TRIO: variants seen among roughly 807,000 people sequenced by gnomAD.
The protein encoded by TRIO is trio Rho guanine nucleotide exchange factor.
In TRIO, 58 loss-of-function variants were observed where a neutral mutation model predicts 351.9. That is an observed-to-expected ratio of 0.16 (90% confidence interval 0.13 to 0.21). TRIO has a LOEUF of 0.21. Among genes scored for constraint, TRIO ranks in the 10% least tolerant of loss-of-function variants. The pLI is 1.00. For synonymous variants in TRIO, 1,758 were observed against 1,595.7 expected, an observed-to-expected ratio of 1.10 and a Z score of -2.42; for missense variants, 3,201 against 4,027.8, an observed-to-expected ratio of 0.79 and a Z score of 5.56.
intron 1 of TRIO, among the ~76,000 whole-genome samples, chr5:14,247,855 C>T (rs1794524082): frequency 1.3e-5 from 2 of 152,214 alleles, no homozygotes; most frequent in South Asian, 4.1e-4. Flanking sequence ...ATCACGAGGT[C>T]AGGAGTTCAA....
At chr5:14,443,491 A>G (rs952752213) in intron 34 of TRIO, among the ~76,000 whole-genome samples, 3 of 152,232 alleles carry the variant, frequency 2.0e-5, no homozygotes, top group African/African-American at 7.2e-5. Flanking sequence ...AAAAGGAAGA[A>G]TGATTCTGGG....
chr5:14,145,847 G>T (rs1240060433), intron 1 of TRIO, among the ~76,000 whole-genome samples: 1 of 152,186 alleles, frequency 6.6e-6, no homozygotes, highest in East Asian at 1.9e-4. Flanking sequence ...GTCTGCTCTT[G>T]GCTTTGCTTA....
chr5:14,487,569 CCAGTGGCGGCAGCGGCCA>C lies in TRIO; in HGVS notation c.6952_6969del (p.Ser2318_Gly2323del), dbSNP rs1303675005. 66 of 1,123,638 alleles carry C rather than the reference CCAGTGGCGGCAGCGGCCA, an allele frequency of 5.9e-5. No homozygotes were observed. The highest frequency in any genetic ancestry group is 6.7e-5 in the Non-Finnish European group (61 of 911,032). The allele number at this position is 1,123,638 out of a possible 1,614,324, so 69.6% of individuals were successfully genotyped here. ...GGGGGCAGCGGCGGCGGCGGGGCCC[CCAGTGGCGGCAGCGGCCA>C]CAGTGGCGGCCCCAGCAGCTGCGGC... On this transcript the variant is annotated inframe_deletion, in exon 48 of 57. Coordinates refer to ENST00000344204, the MANE Select transcript of TRIO (RefSeq NM_007118.4).
At chr5:14,275,666 C>T (rs997986537) in intron 2 of TRIO, among the ~76,000 whole-genome samples, 3 of 151,018 alleles carry the variant, frequency 2.0e-5, no homozygotes, top group East Asian at 1.9e-4. Context: ...TTCTTCTCCC[C>T]GAGATAAACA....
intron 49 of TRIO, among the ~76,000 whole-genome samples, chr5:14,494,566 G>A (rs192733660): frequency 7.2e-5 from 11 of 152,318 alleles, no homozygotes; most frequent in East Asian, 5.8e-4. Context: ...TACAGCCCAC[G>A]GATCAAGGAG....
chr5:14,477,001 G>T (rs762649252), intron 41 of TRIO, 38 bp downstream of exon 41: 1 of 1,565,250 alleles, frequency 6.4e-7, no homozygotes, highest in Admixed American at 1.7e-5. Flanking sequence ...TGTTCTGATG[G>T]TGTCATCCTT....
intron 34 of TRIO, among the ~76,000 whole-genome samples, chr5:14,452,497 G>A (rs375134410): frequency 6.6e-6 from 1 of 152,348 alleles, no homozygotes; most frequent in Non-Finnish European, 1.5e-5. Context: ...AGGGGTGTTA[G>A]TGGAACCCCG....
In TRIO at chr5:14,155,270, T is replaced by G. The variant is rs145364808; in HGVS notation, c.157+11388T>G. ...GATATAGCTAATTTACATGTTATCT[T>G]GTTTCTGAACCATTTGAGAGTAGGT... On this transcript the variant is annotated intron_variant, in intron 1 of 56. Coordinates refer to ENST00000344204, the MANE Select transcript of TRIO (RefSeq NM_007118.4). Among the ~76,000 whole-genome samples, 42 of 152,334 alleles carry G rather than the reference T, an allele frequency of 2.8e-4. No individual in the cohort carries two copies. In the East Asian group the frequency reaches 7.5e-3, roughly 27 times the overall value.
intron 9 of TRIO, among the ~76,000 whole-genome samples, chr5:14,324,363 A>G (rs1207807764): frequency 6.6e-6 from 1 of 152,208 alleles, no homozygotes. Flanking sequence ...AGGGGTTCTC[A>G]TTGTTTTGAC....
At chr5:14,218,617 C>T (rs900732690) in intron 1 of TRIO, among the ~76,000 whole-genome samples, 39 of 152,324 alleles carry the variant, frequency 2.6e-4, no homozygotes, top group African/African-American at 8.9e-4. Flanking sequence ...GGCGAGGCTG[C>T]GCAGTGGGGC....
At chr5:14,432,279 GA>G (rs1275460658) in intron 34 of TRIO, among the ~76,000 whole-genome samples, 1 of 137,516 alleles carries the variant, frequency 7.3e-6, no homozygotes, top group Non-Finnish European at 1.7e-5. Context: ...CGTAAAGTGA[GA>G]TTTTCAAAGC....
chr5:14,464,350 A>G (rs942754445), intron 36 of TRIO, among the ~76,000 whole-genome samples: 5 of 152,146 alleles, frequency 3.3e-5, no homozygotes, highest in Non-Finnish European at 7.3e-5. Context: ...CCTGCACTGT[A>G]TCCTTCTGTT....
Position 14,387,620 on chromosome 5 carries a change from T to G in TRIO, c.3753T>G (p.Asp1251Glu), listed in dbSNP as rs771516339. ...SLEKALGISSDSNKSSKSLQL... is the reference protein window; with the variant it reads ...SLEKALGISSESNKSSKSLQL... ...AAAAAGCCCTGGGGATTTCTTCAGA[T>G]TCCAACAAATCGGTAAATGGCCTTG... The change falls in exon 22 of 57, where the codon GAT (aspartate) becomes GAG (glutamate). Residue 1251 changes from aspartate (D) to glutamate (E), a missense_variant. Transcript: ENST00000344204. The G allele has an allele frequency of 5.0e-6, 8 of 1,611,424 alleles. No homozygotes were observed. Among genetic ancestry groups the G allele is most frequent in the African/African-American group, 1.3e-5 (1 of 74,788 alleles).
intron 34 of TRIO, among the ~76,000 whole-genome samples, chr5:14,459,240 C>G (rs1459604504): frequency 6.6e-6 from 1 of 152,226 alleles, no homozygotes; most frequent in Non-Finnish European, 1.5e-5. Flanking sequence ...GAAACCGCTG[C>G]CAACTCTGCT....
chr5:14,252,758 C>G (rs1794816206), intron 1 of TRIO, among the ~76,000 whole-genome samples: 1 of 152,164 alleles, frequency 6.6e-6, no homozygotes, highest in South Asian at 2.1e-4. Context: ...CAGCCTGGCC[C>G]CGAGCCTTCT....
At chr5:14,307,916 A>G (rs920918121) in intron 8 of TRIO, among the ~76,000 whole-genome samples, 1 of 152,174 alleles carries the variant, frequency 6.6e-6, no homozygotes, top group African/African-American at 2.4e-5. Context: ...AGATCTTACT[A>G]TATCAGTCGG....
rs376189119 is a variant in TRIO at position 14,381,302 on chromosome 5, C to G, written c.3570+50C>G. ...AGTGGCCTCTAAGTCGAAAGCGAGT[C>G]TTCAAAAATATCATAAAGAAATACC... On this transcript the variant is annotated intron_variant, in intron 21 of 56. Transcript: ENST00000344204. 4.7e-5 allele frequency: 73 copies of G among 1,538,198 alleles called. 2 individuals are homozygous for G. The South Asian group carries it at 5.1e-4, about 11-fold the overall frequency.
chr5:14,210,335 G>T (rs909489320), intron 1 of TRIO, among the ~76,000 whole-genome samples: 1 of 152,198 alleles, frequency 6.6e-6, no homozygotes, highest in Non-Finnish European at 1.5e-5. Context: ...TAATTGTCCA[G>T]CGACCCCAGC....
intron 10 of TRIO, among the ~76,000 whole-genome samples, chr5:14,331,501 AG>A (rs1224780723): frequency 6.6e-6 from 1 of 152,222 alleles, no homozygotes; most frequent in Non-Finnish European, 1.5e-5. Context: ...AGATTCAGAA[AG>A]GAAGTGGTGA....
Sources: gnomAD v4.1 joint callset for allele counts (sites outside exome capture counted in the v4.1 genomes callset) on GRCh38, gnomAD v4.1.1 for gene constraint, MANE v1.5 for transcripts, NCBI Gene and HGNC (gene_info 2026-07-23, HGNC 2026-07-21) for gene names.